The following SMN1 variants were observed in gnomAD, a reference collection of about 807,000 sequenced individuals.
SMN1 encodes survival of motor neuron 1, telomeric.
For synonymous variants in SMN1, 3 were observed against 5.1 expected (o/e 0.58, Z 0.56); for missense variants, 15 against 17.1 (o/e 0.88, Z 0.22).
chr5:70,958,814 T>C (rs930374414), downstream of SMN1, among the ~76,000 whole-genome samples: 1 of 150,212 alleles, frequency 6.7e-6, no homozygotes. Flanking sequence ...GAGAGTTCTG[T>C]AAACTGGTTC....
intron 6 of SMN1, among the ~76,000 whole-genome samples, chr5:70,945,610 A>C (rs1749539567): frequency 9.2e-6 from 1 of 108,236 alleles, no homozygotes; most frequent in African/African-American, 4.4e-5. Flanking sequence ...TATTAAGGAA[A>C]AGCATGAAAG....
the SMN1 span, among the ~76,000 whole-genome samples, chr5:70,963,967 C>T: frequency 1.8e-5 from 2 of 108,704 alleles, no homozygotes; most frequent in African/African-American, 6.6e-5. Context: ...TCACTGCAAC[C>T]TCTGCCTCCC....
the SMN1 span, among the ~76,000 whole-genome samples, chr5:70,959,045 G>C: frequency 6.6e-6 from 1 of 150,652 alleles, no homozygotes; most frequent in Non-Finnish European, 1.5e-5. Flanking sequence ...AGAAAATATG[G>C]CACATATACA....
chr5:70,960,552 T>G, the SMN1 span, among the ~76,000 whole-genome samples: 1 of 143,612 alleles, frequency 7.0e-6, no homozygotes, highest in Non-Finnish European at 1.5e-5. Flanking sequence ...TTCCCAAGCA[T>G]TGTGCTGAAG....
the SMN1 span, among the ~76,000 whole-genome samples, chr5:70,960,481 T>C: frequency 6.8e-6 from 1 of 147,616 alleles, no homozygotes; most frequent in South Asian, 2.2e-4. Context: ...AAGCAGTTTA[T>C]ATAGTTCTAC....
chr5:70,959,086 A>T, the SMN1 span, among the ~76,000 whole-genome samples: 1 of 150,614 alleles, frequency 6.6e-6, no homozygotes, highest in Non-Finnish European at 1.5e-5. Context: ...ATAAGAAATG[A>T]TGAGTTCATG....
downstream of SMN1, among the ~76,000 whole-genome samples, chr5:70,956,692 A>G (rs1288053165): frequency 7.1e-4 from 107 of 150,720 alleles, 9 homozygotes; most frequent in Non-Finnish European, 2.8e-4. Context: ...TTTTGGTACC[A>G]GTACCATGCT....
chr5:70,956,168 T>G (rs2112840073), downstream of SMN1, among the ~76,000 whole-genome samples: 1 of 148,540 alleles, frequency 6.7e-6, no homozygotes. Flanking sequence ...TTTGATGGGG[T>G]TGTCTGTTTT....
the SMN1 span, among the ~76,000 whole-genome samples, chr5:70,959,060 G>A: frequency 1.3e-5 from 2 of 150,668 alleles, no homozygotes; most frequent in African/African-American, 4.9e-5. Flanking sequence ...TATACACCAT[G>A]GAATACTGTG....
At chr5:70,950,155 C>T (rs1464914511) in intron 7 of SMN1, among the ~76,000 whole-genome samples, 1 of 149,814 alleles carries the variant, frequency 6.7e-6, no homozygotes, top group African/African-American at 2.5e-5. Flanking sequence ...CAGTGGCTCA[C>T]GCCGGTAATC....
chr5:70,952,643 TC>T lies in SMN1; in HGVS notation c.*209del. 1 of 372,124 alleles carries T rather than the reference TC, an allele frequency of 2.7e-6. No individual in the cohort carries two copies. Among genetic ancestry groups the T allele is most frequent in the South Asian group, 2.9e-5 (1 of 33,990 alleles). 23.1% of individuals were successfully genotyped at this position (372,124 alleles called of 1,614,324 possible). A position where few individuals can be genotyped will look rare whatever the true frequency, so the allele number is the denominator to read the frequency against. On this transcript the variant is annotated 3_prime_UTR_variant, in exon 9 of 9. Coordinates refer to ENST00000380707, the MANE Select transcript of SMN1 (RefSeq NM_000344.4). ...TGCAATGTGAAATATTTTACTGGACTCTATTTTGAAAAACCATCTGTAAAAG... is the reference window on the plus strand; with the variant it reads ...TGCAATGTGAAATATTTTACTGGACTTATTTTGAAAAACCATCTGTAAAAG...
At chr5:70,960,287 A>G in the SMN1 span, among the ~76,000 whole-genome samples, 1 of 147,534 alleles carries the variant, frequency 6.8e-6, no homozygotes, top group Admixed American at 6.8e-5. Context: ...TGTATTTGTA[A>G]AGGCACCTAC....
chr5:70,957,564 A>G (rs1200620955), downstream of SMN1, among the ~76,000 whole-genome samples: 14 of 147,984 alleles, frequency 9.5e-5, no homozygotes, highest in South Asian at 1.1e-3. Flanking sequence ...TTCTGCATCT[A>G]TTGAGATAAT....
intron 7 of SMN1, among the ~76,000 whole-genome samples, chr5:70,950,958 G>A (rs1749695388): frequency 6.6e-6 from 1 of 151,796 alleles, no homozygotes; most frequent in African/African-American, 2.4e-5. Flanking sequence ...ATTTTTAGTA[G>A]AGTCGGGGTT....
At chr5:70,958,828 C>T (rs1048811756), downstream of SMN1, among the ~76,000 whole-genome samples, 1 of 150,204 alleles carries the variant, frequency 6.7e-6, no homozygotes, top group African/African-American at 2.4e-5. Flanking sequence ...CTGGTTCAAC[C>T]ATTGTGGAAG....
At chr5:70,950,157 C>A (rs1476410913) in intron 7 of SMN1, among the ~76,000 whole-genome samples, 1 of 149,966 alleles carries the variant, frequency 6.7e-6, no homozygotes, top group Non-Finnish European at 1.5e-5. Flanking sequence ...GTGGCTCACG[C>A]CGGTAATCCC....
At chr5:70,951,870 T>C (rs1749761770) in intron 7 of SMN1, 71 bp from the exon 8 acceptor site, 1 of 1,258,818 alleles carries the variant, frequency 7.9e-7, no homozygotes. Flanking sequence ...AACATCCATA[T>C]AAAGCTATCT....
At position 70,951,971 on chromosome 5, in the gene SMN1, T is replaced by A. The variant is rs187925143; in HGVS notation, c.865T>A (p.Cys289Ser). The A allele has an allele frequency of 5.3e-5, 85 of 1,613,186 alleles. 1 individual carries two copies. The Admixed American group carries it at 9.0e-4, about 17-fold the overall frequency. Residue 289 changes from cysteine (C) to serine (S), a missense_variant, in exon 8 of 9, where the codon TGC (cysteine) becomes AGC (serine). Coordinates refer to ENST00000380707, the MANE Select transcript of SMN1 (RefSeq NM_000344.4). ...GFRQNQKEGR[C>S]SHSLN is the part of the protein sequence containing the mutation. The stretch of plus-strand genomic sequence containing the variant: ...CAGACAAAATCAAAAAGAAGGAAGG[T>A]GCTCACATTCCTTAAATTAAGGAGT...
In SMN1 at chr5:70,952,486, T is replaced by C; in HGVS notation, c.*51T>C. 1.0e-5 allele frequency: 6 copies of C among 590,622 alleles called. No individual in the cohort carries two copies. Among genetic ancestry groups the C allele is most frequent in the Non-Finnish European group, 1.8e-5 (6 of 331,550 alleles). 36.6% of individuals were successfully genotyped at this position (590,622 alleles called of 1,614,324 possible). On this transcript the variant is annotated 3_prime_UTR_variant, in exon 9 of 9. Coordinates refer to ENST00000380707, the MANE Select transcript of SMN1 (RefSeq NM_000344.4). Reference sequence around the variant, plus strand: ...CTAAATGACACCACTAAAGAAACGATCAGACAGATCTGGAATGTGAAGCGT... The same window carrying C: ...CTAAATGACACCACTAAAGAAACGACCAGACAGATCTGGAATGTGAAGCGT...
Sources: gnomAD v4.1 joint callset for allele counts (sites outside exome capture counted in the v4.1 genomes callset) on GRCh38, gnomAD v4.1.1 for gene constraint, MANE v1.5 for transcripts, NCBI Gene and HGNC (gene_info 2026-07-23, HGNC 2026-07-21) for gene names.